The following RSPO2 variants were observed in gnomAD, a reference collection of about 807,000 sequenced individuals.
RSPO2 encodes the protein R-spondin-2.
A neutral mutation model predicts 30.9 loss-of-function variants in RSPO2; 14 were observed. The ratio of observed to expected loss-of-function variants is 0.45; its 90% CI spans 0.30 to 0.71. The LOEUF (loss-of-function observed/expected upper bound fraction) is 0.71. Ranked by LOEUF, RSPO2 falls within the 30% of genes least tolerant of loss-of-function variation. The pLI, the probability that RSPO2 is intolerant of heterozygous loss-of-function variation, is 0.08. For missense variants in RSPO2, 264 were observed against 301.9 expected (o/e 0.87, Z 0.93); for synonymous variants, 107 against 96.4 (o/e 1.11, Z -0.64).
chr8:107,984,683 C>T (rs957020489), intron 3 of RSPO2, among the ~76,000 whole-genome samples: 7 of 151,900 alleles, frequency 4.6e-5, no homozygotes, highest in African/African-American at 1.5e-4. Context: ...GAGGAAATAC[C>T]CTTTGTTTTT....
chr8:108,054,164 T>C (rs753527929), intron 2 of RSPO2, among the ~76,000 whole-genome samples: 1 of 152,188 alleles, frequency 6.6e-6, no homozygotes, highest in Non-Finnish European at 1.5e-5. Flanking sequence ...TCAGAAACTC[T>C]GGTGGAGATA....
intron 2 of RSPO2, among the ~76,000 whole-genome samples, chr8:108,039,655 C>T (rs1811695140): frequency 6.6e-6 from 1 of 152,134 alleles, no homozygotes; most frequent in South Asian, 2.1e-4. Flanking sequence ...GGCCCCCACC[C>T]ATCCAGCCTC....
chr8:108,007,463 T>G (rs549557683), intron 2 of RSPO2, among the ~76,000 whole-genome samples: 2 of 152,258 alleles, frequency 1.3e-5, no homozygotes, highest in East Asian at 3.9e-4. Context: ...AAACTTACAT[T>G]AACCAAGTGA....
intron 2 of RSPO2, among the ~76,000 whole-genome samples, chr8:108,009,399 T>C (rs1216002001): frequency 6.6e-6 from 1 of 152,114 alleles, no homozygotes; most frequent in East Asian, 1.9e-4. Flanking sequence ...ATAACTTACA[T>C]TAGGTATAAA....
chr8:108,010,208 C>A (rs73317416), intron 2 of RSPO2, among the ~76,000 whole-genome samples: 12,785 of 152,108 alleles, frequency 0.084, 870 homozygotes, highest in African/African-American at 0.18. Flanking sequence ...CAAATAAAGA[C>A]CCCATGAGTC....
chr8:107,908,850 A>G (rs534130368), intron 5 of RSPO2, among the ~76,000 whole-genome samples: 1 of 152,336 alleles, frequency 6.6e-6, no homozygotes, highest in African/African-American at 2.4e-5. Flanking sequence ...TCTTGTTGTC[A>G]CTTTCTTATG....
intron 2 of RSPO2, among the ~76,000 whole-genome samples, chr8:108,003,012 A>G (rs866137741): frequency 1.6e-4 from 25 of 151,784 alleles, no homozygotes; most frequent in African/African-American, 4.6e-4. Flanking sequence ...CAGAATGATT[A>G]CTGAATCTCC....
At chr8:107,919,075 C>T (rs980423392) in intron 5 of RSPO2, among the ~76,000 whole-genome samples, 5 of 152,056 alleles carry the variant, frequency 3.3e-5, no homozygotes, top group Non-Finnish European at 5.9e-5. Flanking sequence ...GCCTTGGAAC[C>T]CCAGCCAGGC....
intron 5 of RSPO2, among the ~76,000 whole-genome samples, chr8:107,930,616 A>G (rs915844427): frequency 6.6e-6 from 1 of 152,238 alleles, no homozygotes; most frequent in Non-Finnish European, 1.5e-5. Flanking sequence ...CACCAGTGCA[A>G]TAAAATTATA....
intron 3 of RSPO2, among the ~76,000 whole-genome samples, chr8:107,978,661 A>G (rs1338368453): frequency 6.6e-6 from 1 of 152,212 alleles, no homozygotes; most frequent in Non-Finnish European, 1.5e-5. Context: ...AATGGCAACA[A>G]AAGCCAAAAT....
chr8:108,049,354 A>G (rs963062811), intron 2 of RSPO2, among the ~76,000 whole-genome samples: 3 of 151,760 alleles, frequency 2.0e-5, no homozygotes, highest in African/African-American at 7.3e-5. Context: ...TTTGGCTGGG[A>G]CTTTTTTTTC....
At chr8:107,976,914 A>C (rs1168192300) in intron 3 of RSPO2, among the ~76,000 whole-genome samples, 3 of 152,252 alleles carry the variant, frequency 2.0e-5, no homozygotes, top group African/African-American at 4.8e-5. Context: ...ATTAGTTCTA[A>C]GATACAAGAC....
intron 5 of RSPO2, among the ~76,000 whole-genome samples, chr8:107,955,104 C>T (rs1356660855): frequency 1.3e-5 from 2 of 152,106 alleles, no homozygotes; most frequent in South Asian, 2.1e-4. Flanking sequence ...TTGGCAAATG[C>T]AGGGGGCAGC....
At chr8:108,024,589 G>C (rs1045884883) in intron 2 of RSPO2, among the ~76,000 whole-genome samples, 8 of 152,188 alleles carry the variant, frequency 5.3e-5, no homozygotes, top group African/African-American at 1.9e-4. Flanking sequence ...ACCTACAGTG[G>C]ACAGGTGGAA....
chr8:108,035,739 G>A (rs757885257), intron 2 of RSPO2, among the ~76,000 whole-genome samples: 89 of 152,024 alleles, frequency 5.9e-4, no homozygotes, highest in Middle Eastern at 6.9e-3. Context: ...CCAAAGTGCT[G>A]GGATTACAGG....
chr8:108,076,631 A>G (rs1428008847), intron 2 of RSPO2, among the ~76,000 whole-genome samples: 1 of 152,190 alleles, frequency 6.6e-6, no homozygotes, highest in East Asian at 1.9e-4. Context: ...AAAGAATATA[A>G]GCAGAGGAAC....
intron 3 of RSPO2, among the ~76,000 whole-genome samples, chr8:107,984,188 C>T (rs776218728): frequency 2.1e-4 from 32 of 152,224 alleles, no homozygotes; most frequent in Admixed American, 1.4e-3. Flanking sequence ...ACTTGGCAGA[C>T]GCTAAACTCA....
chr8:107,930,234 G>A (rs924471627), intron 5 of RSPO2, among the ~76,000 whole-genome samples: 4 of 152,130 alleles, frequency 2.6e-5, no homozygotes, highest in Admixed American at 1.3e-4. Context: ...TCACTTAATC[G>A]CAAAGTTCAC....
intron 3 of RSPO2, among the ~76,000 whole-genome samples, chr8:107,973,862 T>C (rs1049481942): frequency 2.6e-5 from 4 of 152,182 alleles, no homozygotes; most frequent in Non-Finnish European, 5.9e-5. Flanking sequence ...GGAAAAAGCA[T>C]AAGCCGCAGA....
Sources: allele counts gnomAD v4.1 joint callset (sites outside exome capture counted in the v4.1 genomes callset), GRCh38; gene constraint gnomAD v4.1.1; transcripts MANE v1.5; gene names NCBI Gene and HGNC (gene_info 2026-07-23, HGNC 2026-07-21).